The following CCDC158 variants were observed in gnomAD, a reference collection of about 807,000 sequenced individuals.
The protein encoded by CCDC158 is coiled-coil domain-containing protein 158.
A neutral mutation model predicts 138.6 loss-of-function variants in CCDC158; 116 were observed. The ratio of observed to expected loss-of-function variants is 0.84; its 90% CI spans 0.72 to 0.98. The LOEUF is 0.98. CCDC158 is among the 50% of genes least tolerant of loss of function. The pLI, the probability that CCDC158 is intolerant of heterozygous loss-of-function variation, is 0.00. For missense variants in CCDC158, 1,265 were observed against 1,306.1 expected, an observed-to-expected ratio of 0.97 and a Z score of 0.48; for synonymous variants, 436 against 442.4, an observed-to-expected ratio of 0.99 and a Z score of 0.18.
At chr4:76,316,097 C>T (rs28772928) in intron 24 of CCDC158, among the ~76,000 whole-genome samples, 4,035 of 152,260 alleles carry the variant, frequency 0.027, 177 homozygotes, top group African/African-American at 0.092. Context: ...GCCAGCAATG[C>T]AGTTAAACCA....
rs570769747 is a variant in CCDC158 at position 76,407,681 on chromosome 4, G to GAGTAA, written c.-73-4402_-73-4401insTTACT. ...AGATCAATCAGAAGCATAAAGGAAT[G>GAGTAA]AGTAGGACAGATATAGAACCACAAC... is the stretch of plus-strand genomic sequence containing the variant. On this transcript the variant is annotated intron_variant, in intron 2 of 24. Transcript: ENST00000682701. Among the ~76,000 whole-genome samples, 170 of 152,282 alleles carry GAGTAA rather than the reference G, an allele frequency of 1.1e-3. 2 individuals carry two copies. The South Asian group carries it at 0.019, about 17-fold the overall frequency.
At chr4:76,370,736 C>T (rs113097792) in intron 10 of CCDC158, among the ~76,000 whole-genome samples, 3,277 of 152,236 alleles carry the variant, frequency 0.022, 53 homozygotes, top group Non-Finnish European at 0.033. Context: ...CACTGAAAAA[C>T]ATGCAAATGT....
At chr4:76,316,940 C>T (rs902553169) in intron 24 of CCDC158, among the ~76,000 whole-genome samples, 2 of 143,390 alleles carry the variant, frequency 1.4e-5, no homozygotes, top group Admixed American at 7.0e-5. Context: ...GAGAATTCAC[C>T]AGTACCAAAC....
At chr4:76,416,435 G>T (rs1249915650) in intron 1 of CCDC158, among the ~76,000 whole-genome samples, 1 of 152,134 alleles carries the variant, frequency 6.6e-6, no homozygotes, top group East Asian at 1.9e-4. Context: ...TGACCCTGTG[G>T]GGCTGGACTC....
rs545304292 is a variant in CCDC158, at chr4:76,323,394, G to T, written c.3185C>A (p.Pro1062Gln). 1.2e-6 allele frequency: 2 copies of T among 1,610,302 alleles called. No individual in the cohort carries two copies. The highest frequency in any genetic ancestry group is 2.7e-5 in the African/African-American group (2 of 74,904). Residue 1062 changes from proline (P) to glutamine (Q), a missense_variant, in exon 24 of 25, where the codon CCA becomes CAA. Transcript: ENST00000682701. ...SDSVKDSQSP[P>Q]IETTGKTCRK... ...GCATGTTTTTCCTGTTGTTTCTATTGGCGGAGACTGTGAATCTATTAGAAA... is the reference window on the plus strand; with the variant it reads ...GCATGTTTTTCCTGTTGTTTCTATTTGCGGAGACTGTGAATCTATTAGAAA...
intron 2 of CCDC158, among the ~76,000 whole-genome samples, chr4:76,408,700 C>T (rs772467709): frequency 6.6e-6 from 1 of 152,026 alleles, no homozygotes; most frequent in Admixed American, 6.5e-5. Flanking sequence ...GCATATATAC[C>T]CAGTAATGGG....
At chr4:76,398,607 C>A (rs1368976223) in intron 3 of CCDC158, among the ~76,000 whole-genome samples, 8 of 142,040 alleles carry the variant, frequency 5.6e-5, no homozygotes, top group Non-Finnish European at 1.2e-4. Flanking sequence ...GCAGAGGTGG[C>A]AGTGAGCTGA....
intron 15 of CCDC158, among the ~76,000 whole-genome samples, chr4:76,354,233 CAAA>C (rs749565764): frequency 2.3e-4 from 15 of 63,928 alleles, no homozygotes; most frequent in Non-Finnish European, 2.6e-4. Context: ...TTCCCAAAGG[CAAA>C]AAAAAAAAAA....
intron 7 of CCDC158, 54 bp from the exon 8 acceptor site, chr4:76,382,774 G>A (rs1390926460): frequency 2.5e-6 from 3 of 1,187,236 alleles, no homozygotes; most frequent in Non-Finnish European, 2.5e-6. Context: ...TCCTGACTAT[G>A]AATTATTTTA....
In CCDC158 at chr4:76,367,616, G is replaced by T; in HGVS notation, c.1508C>A (p.Thr503Asn). Residue 503 changes from threonine to asparagine, a missense_variant, in exon 12 of 25, where the codon ACT becomes AAT. Thr to Asn is a moderately conservative substitution (Grantham distance 65). Coordinates refer to ENST00000682701, the MANE Select transcript of CCDC158 (RefSeq NM_001394954.1). ...GGCTCTCTCTTTTTCCTGGAGAGAA[G>T]TTGTCAGGTCCGATATTGTCCTCTC... ...SSERTISDLTTSLQEKERAIE... is the reference protein window; with the variant it reads ...SSERTISDLTNSLQEKERAIE... 1 of 1,614,230 alleles carries T rather than the reference G, an allele frequency of 6.2e-7. No individual in the cohort carries two copies. Among genetic ancestry groups the T allele is most frequent in the Non-Finnish European group, 8.5e-7 (1 of 1,180,040 alleles).
At chr4:76,313,616 T>C (rs1719096985) in intron 24 of CCDC158, among the ~76,000 whole-genome samples, 1 of 152,124 alleles carries the variant, frequency 6.6e-6, no homozygotes, top group Non-Finnish European at 1.5e-5. Flanking sequence ...GGCATGATAA[T>C]TGTAAAAGTA....
intron 18 of CCDC158, among the ~76,000 whole-genome samples, chr4:76,339,677 C>T (rs1409286939): frequency 6.6e-6 from 1 of 152,190 alleles, no homozygotes; most frequent in Non-Finnish European, 1.5e-5. Context: ...TATGCATGGA[C>T]AGAGCAGTTG....
chr4:76,396,601 C>T, intron 3 of CCDC158, 115 bp from the exon 4 acceptor site: 21 of 696,974 alleles, frequency 3.0e-5, no homozygotes, highest in South Asian at 2.6e-4. Context: ...ACCTCTGCCT[C>T]CCGGGTTCAA....
intron 24 of CCDC158, among the ~76,000 whole-genome samples, chr4:76,322,119 CAT>C (rs1720077505): frequency 6.6e-6 from 1 of 151,974 alleles, no homozygotes; most frequent in Admixed American, 6.6e-5. Context: ...CTAAACACCA[CAT>C]GTTCCCCCCA....
intron 14 of CCDC158, among the ~76,000 whole-genome samples, chr4:76,355,948 C>T (rs190829410): frequency 4.6e-5 from 7 of 151,976 alleles, no homozygotes; most frequent in African/African-American, 1.7e-4. Flanking sequence ...TTAAAGGGTC[C>T]AGTGATATCA....
At chr4:76,404,638 C>T (rs1308356011) in intron 2 of CCDC158, among the ~76,000 whole-genome samples, 1 of 152,052 alleles carries the variant, frequency 6.6e-6, no homozygotes, top group Non-Finnish European at 1.5e-5. Flanking sequence ...TCACAAAGTA[C>T]ACAAGCGATG....
intron 8 of CCDC158, among the ~76,000 whole-genome samples, chr4:76,381,566 A>G (rs1485741558): frequency 1.3e-5 from 2 of 152,268 alleles, no homozygotes; most frequent in South Asian, 4.1e-4. Flanking sequence ...CTTGTTTTTT[A>G]TTTTACAGGC....
chr4:76,363,788 T>C (rs573919816), intron 12 of CCDC158, among the ~76,000 whole-genome samples: 6 of 152,158 alleles, frequency 3.9e-5, no homozygotes, highest in South Asian at 4.2e-4. Context: ...CAGGAAGTCA[T>C]TGGACAGTTT....
chr4:76,384,678 G>A lies in CCDC158; in HGVS notation c.289-13C>T, dbSNP rs1726621099. 1.3e-6 allele frequency: 2 copies of A among 1,552,688 alleles called. No individual in the cohort carries two copies. Among genetic ancestry groups the A allele is most frequent in the Admixed American group, 1.7e-5 (1 of 58,464 alleles). The stretch of plus-strand genomic sequence containing the variant: ...GCAATTCATTGCTCTGAAAAAAAAA[G>A]CCATGCAAATTAATCTTCATTAGAG... On this transcript the variant is annotated splice_polypyrimidine_tract_variant and intron_variant, in intron 4 of 24. Transcript: ENST00000682701.
Sources: allele counts gnomAD v4.1 joint callset (sites outside exome capture counted in the v4.1 genomes callset), GRCh38; gene constraint gnomAD v4.1.1; transcripts MANE v1.5; gene names NCBI Gene and HGNC (gene_info 2026-07-23, HGNC 2026-07-21).